SLC4A8: variants seen among roughly 807,000 people sequenced by gnomAD.
The protein encoded by SLC4A8 is solute carrier family 4 member 8.
SLC4A8 carries 40 observed loss-of-function variants against 125.0 expected under a neutral mutation model. That is an observed-to-expected ratio of 0.32 (90% CI 0.25 to 0.42). The LOEUF is 0.42. SLC4A8 is among the 10% of genes least tolerant of loss of function. The pLI, the probability that SLC4A8 is intolerant of heterozygous loss-of-function variation, is 1.00. For missense variants in SLC4A8, 863 were observed against 1,355.1 expected, an observed-to-expected ratio of 0.64 and a Z score of 5.70; for synonymous variants, 456 against 476.0, an observed-to-expected ratio of 0.96 and a Z score of 0.55.
At chr12:51,503,318 G>A (rs1198880946) in intron 22 of SLC4A8, among the ~76,000 whole-genome samples, 4 of 149,482 alleles carry the variant, frequency 2.7e-5, no homozygotes, top group Non-Finnish European at 5.9e-5. Flanking sequence ...TCCGACTCCC[G>A]GGTTCACGCC....
At chr12:51,490,052 A>G in intron 19 of SLC4A8, 101 bp downstream of exon 19, 2 of 1,113,968 alleles carry the variant, frequency 1.8e-6, no homozygotes, top group Non-Finnish European at 2.6e-6. Context: ...ACTTACAAGT[A>G]TAAATCCCTG....
upstream of SLC4A8, among the ~76,000 whole-genome samples, chr12:51,422,755 G>A (rs1948819931): frequency 6.6e-6 from 1 of 152,172 alleles, no homozygotes; most frequent in Non-Finnish European, 1.5e-5. Context: ...TGGGCCATGT[G>A]CATTATTATT....
At chr12:51,400,802 A>ATATATAAACATATATGTTTATATACG (rs1409936486) in intron 1 of SLC4A8, among the ~76,000 whole-genome samples, 5 of 84,626 alleles carry the variant, frequency 5.9e-5, no homozygotes, top group Non-Finnish European at 8.6e-5. Flanking sequence ...ACACACACAC[A>ATATATAAACATATATGTTTATATACG]TATATAAACA....
At chr12:51,477,361 G>T (rs1049965964) in intron 16 of SLC4A8, among the ~76,000 whole-genome samples, 1 of 152,198 alleles carries the variant, frequency 6.6e-6, no homozygotes, top group African/African-American at 2.4e-5. Context: ...TATTAAGCAA[G>T]TAAATATTTT....
Position 51,495,041 on chromosome 12 carries a change from A to G in SLC4A8, c.2866A>G (p.Thr956Ala). ...HVPLRKVHLF[T>A]LIQLTCLVLL... is the part of the protein sequence containing the mutation. Reference sequence around the variant, plus strand: ...GCCGCTGCGCAAAGTGCACCTCTTCACCCTCATCCAGTTGACCTGTCTCGT... The same window carrying G: ...GCCGCTGCGCAAAGTGCACCTCTTCGCCCTCATCCAGTTGACCTGTCTCGT... The change falls in exon 21 of 25, where the codon ACC becomes GCC. Residue 956 changes from threonine (T) to alanine (A), a missense_variant. Thr to Ala is a moderately conservative substitution (Grantham distance 58). Transcript: ENST00000453097. 1 of 1,614,116 alleles carries G rather than the reference A, an allele frequency of 6.2e-7. No homozygotes were observed. The highest frequency in any genetic ancestry group is 2.2e-5 in the East Asian group (1 of 44,884).
At chr12:51,435,163 A>G (rs1271350931) in intron 1 of SLC4A8, among the ~76,000 whole-genome samples, 1 of 152,158 alleles carries the variant, frequency 6.6e-6, no homozygotes, top group African/African-American at 2.4e-5. Context: ...AGATTACCTC[A>G]TGGGTGGTGA....
At chr12:51,426,977 C>T (rs1215166791) in intron 1 of SLC4A8, among the ~76,000 whole-genome samples, 4 of 136,102 alleles carry the variant, frequency 2.9e-5, no homozygotes, top group Admixed American at 2.4e-4. Flanking sequence ...CTTGCTCTGT[C>T]GCCCAGGCTG....
intron 1 of SLC4A8, among the ~76,000 whole-genome samples, chr12:51,410,289 T>C (rs1671487345): frequency 6.6e-6 from 1 of 152,194 alleles, no homozygotes; most frequent in South Asian, 2.1e-4. Flanking sequence ...GGTTACACAT[T>C]GACCTATTCA....
chr12:51,424,073 AAAAC>A (rs1565762363), upstream of SLC4A8, among the ~76,000 whole-genome samples: 20 of 130,692 alleles, frequency 1.5e-4, no homozygotes, highest in South Asian at 8.7e-4. Flanking sequence ...CAACAAAAAA[AAAAC>A]AAAAAAAACC....
At chr12:51,421,207 C>T (rs560434413), upstream of SLC4A8, among the ~76,000 whole-genome samples, 101 of 152,318 alleles carry the variant, frequency 6.6e-4, no homozygotes, top group Non-Finnish European at 1.3e-3. Flanking sequence ...TGAATACCCC[C>T]AGCTCCACTA....
chr12:51,497,187 A>T, intron 22 of SLC4A8, 63 bp downstream of exon 22: 1 of 1,516,692 alleles, frequency 6.6e-7, no homozygotes. Context: ...AGGAAGGGTC[A>T]TGTGAAAAGT....
chr12:51,414,154 T>C (rs980185842), intron 1 of SLC4A8, among the ~76,000 whole-genome samples: 3 of 151,306 alleles, frequency 2.0e-5, no homozygotes, highest in Admixed American at 2.0e-4. Context: ...TTAAATTTAT[T>C]CCTGGGTCTT....
intron 14 of SLC4A8, 171 bp downstream of exon 14, chr12:51,471,703 A>G (rs1950706055): frequency 3.0e-6 from 2 of 677,264 alleles, no homozygotes; most frequent in Non-Finnish European, 4.9e-6. Flanking sequence ...GAGGAGAACA[A>G]TCAAAAGTGT....
At position 51,425,013 on chromosome 12, in the gene SLC4A8, C is replaced by T. The variant is rs555252532; in HGVS notation, c.26C>T (p.Pro9Leu). ...ATGCCGGCCGCCGGGAGTAACGAGC[C>T]GGACGGCGTCCTCAGCTATCAGGTA... MPAAGSNE[P>L]DGVLSYQRPD... The change falls in exon 1 of 25, where the codon CCG becomes CTG. Residue 9 changes from proline (P) to leucine (L), a missense_variant. By Grantham distance (98) the Pro-to-Leu change is moderately conservative (BLOSUM62 -3). Coordinates refer to ENST00000453097, the MANE Select transcript of SLC4A8 (RefSeq NM_001039960.3). The T allele has an allele frequency of 3.8e-5, 59 of 1,556,556 alleles. 1 individual carries two copies. In the South Asian group the frequency reaches 4.7e-4, roughly 12 times the overall value.
At position 51,400,799 on chromosome 12, in the gene SLC4A8, C is replaced by CATATAA. The variant is rs1565749388; in HGVS notation, c.-112+9312_-112+9313insTATAAA. Reference sequence around the variant, plus strand: ...ATATACATACATACACACACACACACACATATATAAACATATATGTTTATA... The same window carrying CATATAA: ...ATATACATACATACACACACACACACATATAAACATATATAAACATATATGTTTATA... On this transcript the variant is annotated intron_variant, in intron 1 of 24. Transcript: ENST00000358657. Among the ~76,000 whole-genome samples, 90 of 89,286 alleles carry CATATAA rather than the reference C, an allele frequency of 1.0e-3. 7 individuals carry two copies. Among genetic ancestry groups the CATATAA allele is most frequent in the African/African-American group, 3.9e-3 (74 of 19,044 alleles). 58.6% of individuals were successfully genotyped at this position (89,286 alleles called of 152,430 possible).
intron 10 of SLC4A8, among the ~76,000 whole-genome samples, chr12:51,463,410 G>GGGGTGT (rs898348326): frequency 6.3e-4 from 91 of 144,120 alleles, no homozygotes; most frequent in African/African-American, 2.2e-3. Flanking sequence ...GAAATTATGG[G>GGGGTGT]GTGTGTGTGT....
chr12:51,491,778 C>CACACACACACACACACACA (rs3028941), intron 19 of SLC4A8, among the ~76,000 whole-genome samples: 1 of 150,262 alleles, frequency 6.7e-6, no homozygotes, highest in African/African-American at 2.5e-5. Flanking sequence ...CACACACACA[C>CACACACACACACACACACA]CCCTCTTTAA....
intron 16 of SLC4A8, among the ~76,000 whole-genome samples, chr12:51,477,771 G>A (rs1247740796): frequency 1.3e-5 from 2 of 151,858 alleles, no homozygotes; most frequent in Non-Finnish European, 2.9e-5. Flanking sequence ...TCCATGTATC[G>A]CCTCCTGATT....
intron 16 of SLC4A8, among the ~76,000 whole-genome samples, chr12:51,484,152 C>G (rs1260180545): frequency 1.3e-5 from 2 of 152,004 alleles, no homozygotes; most frequent in Non-Finnish European, 2.9e-5. Context: ...TAGTGTACAC[C>G]CATATATGAC....
Sources: allele counts gnomAD v4.1 joint callset (sites outside exome capture counted in the v4.1 genomes callset), GRCh38; gene constraint gnomAD v4.1.1; transcripts MANE v1.5; gene names NCBI Gene and HGNC (gene_info 2026-07-23, HGNC 2026-07-21).